The following DPP6 variants were observed in gnomAD, a reference collection of about 807,000 sequenced individuals.
DPP6 encodes A-type potassium channel modulatory protein DPP6.
Under a neutral mutation model 122.6 loss-of-function variants are expected in DPP6, and 69 were observed. That is an observed-to-expected ratio of 0.56 (90% CI 0.46 to 0.69). DPP6 has a LOEUF of 0.69. Ranked by LOEUF, DPP6 falls within the 30% of genes least tolerant of loss-of-function variation. The pLI is 0.00. For synonymous variants in DPP6, 418 were observed against 433.1 expected (o/e 0.97, Z 0.43); for missense variants, 928 against 1,116.9 (o/e 0.83, Z 2.41).
chr7:154,768,413 A>C (rs1796039481), intron 8 of DPP6, among the ~76,000 whole-genome samples: 1 of 152,250 alleles, frequency 6.6e-6, no homozygotes, highest in Admixed American at 6.5e-5. Flanking sequence ...TACATAGAGC[A>C]GATTTATGGT....
intron 16 of DPP6, among the ~76,000 whole-genome samples, chr7:154,845,764 C>T (rs1298218399): frequency 6.6e-6 from 1 of 152,250 alleles, no homozygotes; most frequent in Non-Finnish European, 1.5e-5. Flanking sequence ...CAACCTAGAT[C>T]TCCATACACT....
chr7:154,276,426 A>AGAAT (rs1443250342), intron 1 of DPP6, among the ~76,000 whole-genome samples: 2 of 152,240 alleles, frequency 1.3e-5, no homozygotes, highest in African/African-American at 4.8e-5. Flanking sequence ...CAGCCAGAAT[A>AGAAT]GAATCGTTTA....
At chr7:153,798,336 ATAT>A in the DPP6 span, among the ~76,000 whole-genome samples, 3 of 152,146 alleles carry the variant, frequency 2.0e-5, no homozygotes, top group Non-Finnish European at 4.4e-5. Flanking sequence ...CAAAGAAGAG[ATAT>A]TGGTTCTTTG....
chr7:154,354,712 G>GT (rs1487204131), intron 1 of DPP6, among the ~76,000 whole-genome samples: 4 of 152,194 alleles, frequency 2.6e-5, no homozygotes, highest in Admixed American at 2.6e-4. Context: ...CTCACATGTA[G>GT]TACTGGTTCA....
intron 1 of DPP6, among the ~76,000 whole-genome samples, chr7:154,134,010 T>G (rs1328370896): frequency 1.3e-5 from 2 of 151,700 alleles, no homozygotes. Flanking sequence ...TTGTGGAAAC[T>G]TGTGGCTGCA....
chr7:154,580,112 A>C (rs1031542237), intron 5 of DPP6, among the ~76,000 whole-genome samples: 1 of 151,342 alleles, frequency 6.6e-6, no homozygotes, highest in Non-Finnish European at 1.5e-5. Context: ...CTCCAAAATC[A>C]AGTGGGTATG....
intron 1 of DPP6, among the ~76,000 whole-genome samples, chr7:154,125,739 G>T (rs985623917): frequency 6.6e-6 from 1 of 152,124 alleles, no homozygotes; most frequent in Non-Finnish European, 1.5e-5. Flanking sequence ...AAGATAATGG[G>T]TTCACATTGC....
At chr7:154,798,592 A>C (rs1028236210) in intron 12 of DPP6, among the ~76,000 whole-genome samples, 2 of 152,158 alleles carry the variant, frequency 1.3e-5, no homozygotes, top group Admixed American at 6.5e-5. Flanking sequence ...CCTGGGATGG[A>C]GCGTCCCTGG....
chr7:154,178,552 T>C (rs1162058867), intron 1 of DPP6, among the ~76,000 whole-genome samples: 1 of 151,830 alleles, frequency 6.6e-6, no homozygotes, highest in African/African-American at 2.4e-5. Flanking sequence ...AGGATCCCTC[T>C]TTGAGTGCTC....
At chr7:153,929,153 G>C (rs1232438971) in intron 1 of DPP6, among the ~76,000 whole-genome samples, 2 of 152,142 alleles carry the variant, frequency 1.3e-5, no homozygotes, top group Admixed American at 1.3e-4. Flanking sequence ...GAGACCACAG[G>C]TGACCAAGGG....
intron 6 of DPP6, among the ~76,000 whole-genome samples, chr7:154,660,558 A>G (rs1405575238): frequency 7.0e-6 from 1 of 143,036 alleles, no homozygotes; most frequent in African/African-American, 2.8e-5. Flanking sequence ...AGTCATGGTG[A>G]ATCACCATGG....
intron 4 of DPP6, among the ~76,000 whole-genome samples, chr7:154,564,737 T>C (rs1830634716): frequency 6.6e-6 from 1 of 152,212 alleles, no homozygotes; most frequent in African/African-American, 2.4e-5. Context: ...TTCAACCATG[T>C]GATAAAGTGT....
intron 6 of DPP6, among the ~76,000 whole-genome samples, chr7:154,651,751 G>A (rs1262289075): frequency 6.6e-6 from 1 of 152,304 alleles, no homozygotes; most frequent in East Asian, 1.9e-4. Flanking sequence ...AAAGGGAAAG[G>A]ATGAGATGGC....
At chr7:153,814,982 A>T in the DPP6 span, among the ~76,000 whole-genome samples, 721 of 152,318 alleles carry the variant, frequency 4.7e-3, 2 homozygotes, top group African/African-American at 0.016. Context: ...GCTATCTATG[A>T]CAAACCCACA....
the DPP6 span, among the ~76,000 whole-genome samples, chr7:153,816,554 C>T: frequency 6.6e-6 from 1 of 152,170 alleles, no homozygotes; most frequent in African/African-American, 2.4e-5. Context: ...ATTAAATCCC[C>T]TCTCTTCCTT....
chr7:153,819,496 T>A, the DPP6 span, among the ~76,000 whole-genome samples: 1 of 151,944 alleles, frequency 6.6e-6, no homozygotes, highest in South Asian at 2.1e-4. Context: ...CCTGCAGCTG[T>A]GGTTGAACGA....
At chr7:154,314,280 C>A (rs984545620) in intron 1 of DPP6, among the ~76,000 whole-genome samples, 10 of 152,162 alleles carry the variant, frequency 6.6e-5, no homozygotes, top group African/African-American at 2.4e-4. Context: ...AATATAGAAA[C>A]ACGGAATGCT....
chr7:153,835,231 T>C, the DPP6 span, among the ~76,000 whole-genome samples: 2 of 152,222 alleles, frequency 1.3e-5, no homozygotes, highest in Non-Finnish European at 2.9e-5. Flanking sequence ...CAGATGTGAT[T>C]AATGCTGACG....
chr7:153,886,568 A>C (rs1323091563), upstream of DPP6, among the ~76,000 whole-genome samples: 1 of 152,148 alleles, frequency 6.6e-6, no homozygotes, highest in East Asian at 1.9e-4. Flanking sequence ...AGGGAAGTGG[A>C]GGCCGGGAAG....
Sources: gnomAD v4.1 joint callset for allele counts (sites outside exome capture counted in the v4.1 genomes callset) on GRCh38, gnomAD v4.1.1 for gene constraint, MANE v1.5 for transcripts, NCBI Gene and HGNC (gene_info 2026-07-23, HGNC 2026-07-21) for gene names.